Variants in WWP2 observed in about 807,000 individuals in gnomAD.
The protein encoded by WWP2 is WW domain containing E3 ubiquitin protein ligase 2, also known as NEDD4-like E3 ubiquitin-protein ligase WWP2.
In WWP2, 57 loss-of-function variants were observed where a neutral mutation model predicts 121.0. The observed-to-expected ratio is 0.47, with a 90% CI of 0.38 to 0.59. WWP2 has a LOEUF of 0.59. Among genes scored for constraint, WWP2 ranks in the 20% least tolerant of loss-of-function variants. WWP2 has a pLI of 0.00. For missense variants in WWP2, 962 were observed against 1,158.9 expected (o/e 0.83, Z 2.47); for synonymous variants, 449 against 441.3 (o/e 1.02, Z -0.22).
Position 69,925,122 on chromosome 16 carries a change from T to A in WWP2, c.1180-308T>A. 8.8e-7 allele frequency: 1 copy of A among 1,139,030 alleles called. No homozygotes were observed. Among genetic ancestry groups the A allele is most frequent in the Non-Finnish European group, 1.1e-6 (1 of 926,106 alleles). The allele number at this position is 1,139,030 out of a possible 1,614,324, so 70.6% of individuals were successfully genotyped here. On this transcript the variant is annotated intron_variant, in intron 10 of 23. Coordinates refer to ENST00000359154, the MANE Select transcript of WWP2 (RefSeq NM_001270454.2). This position sits in a 1 kb window ranked among gnomAD's most constrained non-coding sequence, Gnocchi z 4.0. ...CCGGGCCTTCCTACCATGCCAGGGC[T>A]GCTCCCTGCCTCCGCCACCCTGGCA... is the stretch of plus-strand genomic sequence containing the variant.
At chr16:69,914,071 CAAAAAAAAAAAAAA>C (rs34269202) in intron 9 of WWP2, among the ~76,000 whole-genome samples, 8 of 32,214 alleles carry the variant, frequency 2.5e-4, no homozygotes, top group African/African-American at 6.8e-4. Flanking sequence ...GACTCTGTCT[CAAAAAAAAAAAAAA>C]AAAAAAAAAA....
At chr16:69,769,975 C>T (rs1339813511) in intron 1 of WWP2, among the ~76,000 whole-genome samples, 3 of 151,624 alleles carry the variant, frequency 2.0e-5, no homozygotes, top group Non-Finnish European at 4.4e-5. Flanking sequence ...GATTCCCGTG[C>T]CTCAGCCTCC....
intron 7 of WWP2, among the ~76,000 whole-genome samples, chr16:69,874,680 T>G (rs145297269): frequency 3.2e-4 from 48 of 152,216 alleles, no homozygotes; most frequent in African/African-American, 1.1e-3. Context: ...TATGGGATGA[T>G]TTACTTGCTA....
At chr16:69,918,500 T>C (rs2058508639) in intron 10 of WWP2, among the ~76,000 whole-genome samples, 1 of 152,244 alleles carries the variant, frequency 6.6e-6, no homozygotes, top group Non-Finnish European at 1.5e-5. Context: ...GCTTTCGTGG[T>C]ACAATGGTAG....
At chr16:69,806,340 G>T (rs532120348) in intron 4 of WWP2, among the ~76,000 whole-genome samples, 1 of 152,244 alleles carries the variant, frequency 6.6e-6, no homozygotes, top group Admixed American at 6.5e-5. Flanking sequence ...TTATATTGGG[G>T]TTTTCCATCT....
chr16:69,798,825 A>G lies in WWP2; in HGVS notation c.214A>G (p.Ile72Val), dbSNP rs755380901. 2 of 1,613,816 alleles carry G rather than the reference A, an allele frequency of 1.2e-6. No homozygotes were observed. Among genetic ancestry groups the G allele is most frequent in the South Asian group, 1.1e-5 (1 of 91,066 alleles). The change falls in exon 3 of 24, where the codon ATT (isoleucine) becomes GTT (valine). Residue 72 changes from isoleucine (I) to valine (V), a missense_variant. Physicochemically the swap from Ile to Val is conservative, Grantham distance 29 (BLOSUM62 3). This residue lies in a region of WWP2 where 145 missense variants were observed against 189.8 expected (regional missense o/e 0.76). Coordinates refer to ENST00000359154, the MANE Select transcript of WWP2 (RefSeq NM_001270454.2). Reference protein sequence around the residue: ...SSELLWNEIIILNVTAQSHLD... With the variant: ...SSELLWNEIIVLNVTAQSHLD... ...TGAGCTTCTCTGGAATGAGATCATC[A>G]TTTTGTAAGAGAAAGCCCCTTCTTT...
At position 69,937,360 on chromosome 16, in the gene WWP2, G is replaced by T; in HGVS notation, c.2238+122G>T. ...AACTCCCACTTCGGCAGGGCAGATG[G>T]GTTTGATTTGGGACCCACCCTTCCC... On this transcript the variant is annotated intron_variant, in intron 20 of 23. Coordinates refer to ENST00000359154, the MANE Select transcript of WWP2 (RefSeq NM_001270454.2). The surrounding 1 kb of genome is among the most constrained non-coding windows in gnomAD (Gnocchi z 6.6). The T allele has an allele frequency of 6.7e-7, 1 of 1,494,504 alleles. No individual in the cohort carries two copies. The highest frequency in any genetic ancestry group is 1.3e-5 in the South Asian group (1 of 76,360). The allele number at this position is 1,494,504 out of a possible 1,614,324, so 92.6% of individuals were successfully genotyped here.
intron 1 of WWP2, among the ~76,000 whole-genome samples, chr16:69,783,932 G>A (rs1278867781): frequency 6.6e-6 from 1 of 152,064 alleles, no homozygotes; most frequent in Non-Finnish European, 1.5e-5. Flanking sequence ...CCCGGCATGG[G>A]CGACAGAGTG....
In WWP2 at chr16:69,936,306, C is replaced by G. The variant is rs377626174; in HGVS notation, c.1977-6C>G. The G allele has an allele frequency of 5.0e-6, 8 of 1,614,038 alleles. No homozygotes were observed. The highest frequency in any genetic ancestry group is 6.8e-6 in the Non-Finnish European group (8 of 1,180,010). On this transcript the variant is annotated splice_polypyrimidine_tract_variant and splice_region_variant and intron_variant, in intron 18 of 23. Transcript: ENST00000359154. Reference sequence around the variant, plus strand: ...CATCTCCCCACTTGGTCTCCTGTGCCCCCAGAGAGAACAACCTGGAAGAAT... The same window carrying G: ...CATCTCCCCACTTGGTCTCCTGTGCGCCCAGAGAGAACAACCTGGAAGAAT...
intron 8 of WWP2, among the ~76,000 whole-genome samples, chr16:69,894,251 T>A (rs2058074601): frequency 6.6e-6 from 1 of 151,746 alleles, no homozygotes; most frequent in Admixed American, 6.6e-5. Context: ...TATTTTTTTT[T>A]TTTTTTTTGG....
rs2056227120 is a variant in WWP2 at position 69,804,084 on chromosome 16, C to G, written c.340+4789C>G. Among the ~76,000 whole-genome samples the G allele has an allele frequency of 4.6e-5, 7 of 151,288 alleles. 1 individual carries two copies. The South Asian group carries it at 1.4e-3, about 31-fold the overall frequency. The stretch of plus-strand genomic sequence containing the variant: ...TTTTTCTCTTTTGGTATTGAAAGAA[C>G]TCTTTATTTGTTAAGGTTATTATTC... On this transcript the variant is annotated intron_variant, in intron 4 of 23. Transcript: ENST00000359154.
chr16:69,840,989 T>A (rs1402547811), intron 5 of WWP2, among the ~76,000 whole-genome samples: 1 of 152,244 alleles, frequency 6.6e-6, no homozygotes. Context: ...GGGCCTTGAC[T>A]GTGGAGAAAA....
At chr16:69,912,941 A>T (rs1343873397) in intron 9 of WWP2, among the ~76,000 whole-genome samples, 1 of 1,646 alleles carries the variant, frequency 6.1e-4, no homozygotes, top group African/African-American at 5.2e-3. Context: ...AAAAAAAAAA[A>T]AAAAAAAAAA....
chr16:69,799,690 G>A lies in WWP2; in HGVS notation c.340+395G>A, dbSNP rs1597687578. Reference sequence around the variant, plus strand: ...CAGAACAAAGGAGCTGTGTGTATACGTATATGTGTGTGTGTGCATGCCTGT... The same window carrying A: ...CAGAACAAAGGAGCTGTGTGTATACATATATGTGTGTGTGTGCATGCCTGT... On this transcript the variant is annotated intron_variant, in intron 4 of 23. Transcript: ENST00000359154. The surrounding 1 kb of genome is among the most constrained non-coding windows in gnomAD (Gnocchi z 4.5). Among the ~76,000 whole-genome samples, 1 of 152,158 alleles carries A rather than the reference G, an allele frequency of 6.6e-6. No homozygotes were observed. Among genetic ancestry groups the A allele is most frequent in the Non-Finnish European group, 1.5e-5 (1 of 68,024 alleles).
chr16:69,798,550 G>T, intron 2 of WWP2, 132 bp from the exon 3 acceptor site: 12 of 1,008,798 alleles, frequency 1.2e-5, no homozygotes, highest in East Asian at 3.1e-5. Flanking sequence ...AAAGTTTTTA[G>T]AATCAAGACA....
chr16:69,909,000 T>A, intron 9 of WWP2, 150 bp downstream of exon 9: 1 of 1,452,358 alleles, frequency 6.9e-7, no homozygotes, highest in Non-Finnish European at 9.1e-7. Flanking sequence ...CCACTTACCT[T>A]AATATTGCTC....
chr16:69,788,258 G>A, intron 2 of WWP2: 1 of 152,768 alleles, frequency 6.5e-6, no homozygotes, highest in Non-Finnish European at 1.5e-5. Context: ...GTTCGAGGCT[G>A]CAGTAAGCTG....
intron 6 of WWP2, among the ~76,000 whole-genome samples, chr16:69,868,981 G>A (rs1484757177): frequency 6.6e-6 from 1 of 152,104 alleles, no homozygotes; most frequent in African/African-American, 2.4e-5. Context: ...TCCACCTCCC[G>A]GGTTCTAAGT....
chr16:69,874,187 A>G (rs1359665172), intron 7 of WWP2, among the ~76,000 whole-genome samples: 1 of 152,136 alleles, frequency 6.6e-6, no homozygotes, highest in Non-Finnish European at 1.5e-5. Flanking sequence ...ATGGTGGTTC[A>G]CCTTTACCTC....
Sources: allele counts gnomAD v4.1 joint callset (sites outside exome capture counted in the v4.1 genomes callset), GRCh38; gene constraint gnomAD v4.1.1; regional missense constraint gnomAD v4.1.1; non-coding constraint Gnocchi (gnomAD v3.1); transcripts MANE v1.5; gene names NCBI Gene and HGNC (gene_info 2026-07-23, HGNC 2026-07-21).